ALK: variants seen among roughly 807,000 people sequenced by gnomAD.
ALK encodes ALK receptor tyrosine kinase.
In ALK, 74 loss-of-function variants were observed where a neutral mutation model predicts 163.1. The ratio of observed to expected loss-of-function variants is 0.45; its 90% CI spans 0.38 to 0.55. The LOEUF (loss-of-function observed/expected upper bound fraction) is 0.55. Ranked by LOEUF, ALK falls within the 20% of genes least tolerant of loss-of-function variation. The pLI, the probability that ALK is intolerant of heterozygous loss-of-function variation, is 0.00. For synonymous variants in ALK, 960 were observed against 843.2 expected (o/e 1.14, Z -2.40); for missense variants, 2,063 against 2,105.3 (o/e 0.98, Z 0.39).
chr2:29,194,539 G>T (rs548375441), intron 28 of ALK, among the ~76,000 whole-genome samples: 26 of 152,082 alleles, frequency 1.7e-4, no homozygotes, highest in Non-Finnish European at 3.4e-4. Context: ...TTGCTCAGTC[G>T]CCCAGGCTGG....
intron 12 of ALK, 21 bp from the exon 13 acceptor site, chr2:29,239,851 T>G (rs574142708): frequency 6.2e-7 from 1 of 1,610,776 alleles, no homozygotes; most frequent in Non-Finnish European, 8.5e-7. Flanking sequence ...ACAAAGAACG[T>G]TGGCTCCCGC....
chr2:29,757,773 C>G (rs1680579168), intron 1 of ALK, among the ~76,000 whole-genome samples: 1 of 152,150 alleles, frequency 6.6e-6, no homozygotes, highest in South Asian at 2.1e-4. Flanking sequence ...CATGCAGCCT[C>G]TGTGGCATAT....
chr2:29,868,862 T>A (rs1666508210), intron 1 of ALK, among the ~76,000 whole-genome samples: 1 of 152,024 alleles, frequency 6.6e-6, no homozygotes, highest in African/African-American at 2.4e-5. Flanking sequence ...AGGTAACATA[T>A]AAAGGGTAGT....
At chr2:29,336,101 T>C (rs141961989) in intron 5 of ALK, among the ~76,000 whole-genome samples, 12 of 152,208 alleles carry the variant, frequency 7.9e-5, no homozygotes, top group African/African-American at 2.6e-4. Flanking sequence ...CTCAGGGGCA[T>C]ATGGTTGAGT....
chr2:29,839,781 T>C (rs901458931), intron 1 of ALK, among the ~76,000 whole-genome samples: 3 of 152,188 alleles, frequency 2.0e-5, no homozygotes, highest in Non-Finnish European at 4.4e-5. Flanking sequence ...TCTCTGGATT[T>C]CTGTGGCTCT....
At chr2:29,713,619 T>C (rs779322832) in intron 2 of ALK, among the ~76,000 whole-genome samples, 5 of 152,152 alleles carry the variant, frequency 3.3e-5, no homozygotes, top group Non-Finnish European at 7.3e-5. Flanking sequence ...GAAATAACTT[T>C]GTGATATGAT....
intron 4 of ALK, among the ~76,000 whole-genome samples, chr2:29,426,539 T>A (rs560639294): frequency 4.0e-4 from 61 of 152,218 alleles, no homozygotes; most frequent in African/African-American, 1.5e-3. Flanking sequence ...TCTGTCAATA[T>A]AAAAAATTCC....
Position 29,222,558 on chromosome 2 carries a change from C to T in ALK, c.3409G>A (p.Gly1137Arg), listed in dbSNP as rs762571775. The T allele has an allele frequency of 2.7e-5, 43 of 1,613,954 alleles. No individual in the cohort carries two copies. The highest frequency in any genetic ancestry group is 1.7e-4 in the African/African-American group (13 of 74,860). ...AGGGGGCTTGGGTCGTTGGGCATTC[C>T]GGACACCTGGCCTTCATACACCTCC... is the stretch of plus-strand genomic sequence containing the variant. ...FGEVYEGQVS[G>R]MPNDPSPLQV... Residue 1137 changes from glycine (G) to arginine (R), a missense_variant, in exon 21 of 29, where the codon GGA becomes AGA. Physicochemically the swap from Gly to Arg is moderately radical, Grantham distance 125 (BLOSUM62 -2). Coordinates refer to ENST00000389048, the MANE Select transcript of ALK (RefSeq NM_004304.5).
chr2:29,595,377 G>A lies in ALK; in HGVS notation c.953-63261C>T, dbSNP rs544675984. ...TCGCTGTCACCCAGGCTGGGGTCCA[G>A]CTGCACGATCTCGGCTCACTGCAAG... On this transcript the variant is annotated intron_variant, in intron 3 of 28. Transcript: ENST00000389048. Among the ~76,000 whole-genome samples the A allele has an allele frequency of 4.1e-5, 6 of 147,670 alleles. No individual in the cohort carries two copies. In the East Asian group the frequency reaches 9.9e-4, roughly 24 times the overall value.
chr2:29,469,412 T>C (rs868633519), intron 4 of ALK, among the ~76,000 whole-genome samples: 38 of 152,316 alleles, frequency 2.5e-4, no homozygotes, highest in Middle Eastern at 3.4e-3. Context: ...CAGATACTAG[T>C]TTTGATAAGG....
chr2:29,228,364 C>A (rs539566777), intron 16 of ALK, among the ~76,000 whole-genome samples: 1 of 152,218 alleles, frequency 6.6e-6, no homozygotes, highest in African/African-American at 2.4e-5. Context: ...GAAGCCCAGA[C>A]GAGGCAGCTG....
chr2:29,353,360 C>T (rs950109894), intron 5 of ALK, among the ~76,000 whole-genome samples: 3 of 152,200 alleles, frequency 2.0e-5, no homozygotes, highest in Non-Finnish European at 4.4e-5. Flanking sequence ...CAATCAATCA[C>T]CAATTTTTTT....
chr2:29,328,382 C>T lies in ALK; in HGVS notation c.1382G>A (p.Cys461Tyr). 1 of 1,614,210 alleles carries T rather than the reference C, an allele frequency of 6.2e-7. No individual in the cohort carries two copies. Among genetic ancestry groups the T allele is most frequent in the Non-Finnish European group, 8.5e-7 (1 of 1,180,026 alleles). The change falls in exon 6 of 29, where the codon TGT becomes TAT. Residue 461 changes from cysteine to tyrosine, a missense_variant. Physicochemically the swap from Cys to Tyr is radical, Grantham distance 194 (BLOSUM62 -2). This residue lies in a region of ALK where 987 missense variants were observed against 939.5 expected (regional missense o/e 1.05). Coordinates refer to ENST00000389048, the MANE Select transcript of ALK (RefSeq NM_004304.5). Reference sequence around the variant, plus strand: ...CTGGCTCTCATCTTCTCCCTGGGCACAGTCCTGGTGGAAGTCACAGGCCTG... The same window carrying T: ...CTGGCTCTCATCTTCTCCCTGGGCATAGTCCTGGTGGAAGTCACAGGCCTG... The part of the protein sequence containing the change: ...LGQACDFHQD[C>Y]AQGEDESQMC...
rs546469025 is a variant in ALK at position 29,807,049 on chromosome 2, C to A, written c.668-89352G>T. 2.6e-5 allele frequency among the ~76,000 whole-genome samples: 4 copies of A among 152,364 alleles called. No homozygotes were observed. In the South Asian group the frequency reaches 6.2e-4, roughly 24 times the overall value. On this transcript the variant is annotated intron_variant, in intron 1 of 28. Transcript: ENST00000389048. ...CTTTCAAATTTCACTTGGGAGCAATCCTTAGCAAGGATTACAATCTGTGCA... is the reference window on the plus strand; with the variant it reads ...CTTTCAAATTTCACTTGGGAGCAATACTTAGCAAGGATTACAATCTGTGCA...
intron 1 of ALK, among the ~76,000 whole-genome samples, chr2:29,838,980 A>G (rs1665634094): frequency 6.6e-6 from 1 of 152,202 alleles, no homozygotes; most frequent in African/African-American, 2.4e-5. Flanking sequence ...CAGCTTATGT[A>G]TAATATACTT....
intron 26 of ALK, among the ~76,000 whole-genome samples, chr2:29,204,693 A>G (rs1287595045): frequency 1.3e-5 from 2 of 152,016 alleles, no homozygotes; most frequent in Non-Finnish European, 2.9e-5. Context: ...AGGTTCAAGC[A>G]TTTCTCCTGC....
intron 26 of ALK, among the ~76,000 whole-genome samples, chr2:29,201,453 TCC>T (rs2148147245): frequency 6.6e-6 from 1 of 152,114 alleles, no homozygotes; most frequent in Non-Finnish European, 1.5e-5. Context: ...CCCCTCCACT[TCC>T]CATCCAACAG....
intron 9 of ALK, among the ~76,000 whole-genome samples, chr2:29,281,585 G>A (rs1019350453): frequency 7.2e-5 from 11 of 152,132 alleles, no homozygotes; most frequent in African/African-American, 1.9e-4. Context: ...TTTTCCAGCC[G>A]GTGGAGTTTG....
At chr2:29,453,754 A>G (rs997908537) in intron 4 of ALK, among the ~76,000 whole-genome samples, 3 of 152,144 alleles carry the variant, frequency 2.0e-5, no homozygotes, top group Non-Finnish European at 4.4e-5. Context: ...GACGATATGG[A>G]GCAAGTGTGA....
Sources: allele counts gnomAD v4.1 joint callset (sites outside exome capture counted in the v4.1 genomes callset), GRCh38; gene constraint gnomAD v4.1.1; regional missense constraint gnomAD v4.1.1; transcripts MANE v1.5; gene names NCBI Gene and HGNC (gene_info 2026-07-23, HGNC 2026-07-21).